GPC1: variants seen among roughly 807,000 people sequenced by gnomAD.
The protein encoded by GPC1 is glypican 1, also known as glypican-1.
In GPC1, 26 loss-of-function variants were observed where a neutral mutation model predicts 51.5. That is an observed-to-expected ratio of 0.50 (90% CI 0.37 to 0.70). GPC1 has a LOEUF of 0.70. GPC1 is among the 30% of genes least tolerant of loss of function. The probability of loss-of-function intolerance (pLI) is 0.00; values close to 1 mark genes in which losing one functional copy is unlikely to be tolerated. For synonymous variants in GPC1, 380 were observed against 348.3 expected, an observed-to-expected ratio of 1.09 and a Z score of -1.01; for missense variants, 775 against 800.5, an observed-to-expected ratio of 0.97 and a Z score of 0.38.
rs111432326 is a variant in GPC1 at position 240,448,409 on chromosome 2, C to T, written c.167-10621C>T. ...CCCTGCCAGGCAGTCCAGGTGTAGA[C>T]AGTCCCTGCCAGGCAGTCCGGGTGT... On this transcript the variant is annotated intron_variant, in intron 1 of 8. Coordinates refer to ENST00000264039, the MANE Select transcript of GPC1 (RefSeq NM_002081.3). The surrounding 1 kb of genome is among the most constrained non-coding windows in gnomAD (Gnocchi z 4.5). 1.3e-3 allele frequency among the ~76,000 whole-genome samples: 158 copies of T among 126,042 alleles called. No homozygotes were observed. Among genetic ancestry groups the T allele is most frequent in the South Asian group, 5.8e-3 (23 of 3,990 alleles). The allele number at this position is 126,042 out of a possible 152,430, so 82.7% of individuals were successfully genotyped here. A position where few individuals can be genotyped will look rare whatever the true frequency, so the allele number is the denominator to read the frequency against.
rs2074262205 is a variant in GPC1 at position 240,466,389 on chromosome 2, G to A, written c.*99G>A. ...ACCTCAGCCTGGAGAGGCCTGGGGT[G>A]GGACAGGGAGGGCCGGCGGCTCTGA... is the stretch of plus-strand genomic sequence containing the variant. On this transcript the variant is annotated 3_prime_UTR_variant, in exon 9 of 9. Transcript: ENST00000264039. 2.8e-6 allele frequency: 2 copies of A among 706,860 alleles called. No homozygotes were observed. Among genetic ancestry groups the A allele is most frequent in the East Asian group, 2.7e-5 (1 of 36,920 alleles). 43.8% of individuals were successfully genotyped at this position (706,860 alleles called of 1,614,324 possible).
intron 1 of GPC1, among the ~76,000 whole-genome samples, chr2:240,455,432 G>A (rs1250602192): frequency 6.6e-6 from 1 of 152,224 alleles, no homozygotes; most frequent in Non-Finnish European, 1.5e-5. Flanking sequence ...GCCAGAGGGA[G>A]GGGTGGGCCG....
At chr2:240,458,065 C>T (rs1559200493) in intron 1 of GPC1, 4 of 470,824 alleles carry the variant, frequency 8.5e-6, no homozygotes, top group South Asian at 3.1e-5. Context: ...TGAGCTTAGG[C>T]AGCCGGAACC....
intron 1 of GPC1, 69 bp downstream of exon 1, chr2:240,436,153 G>T: frequency 2.8e-6 from 3 of 1,084,248 alleles, no homozygotes; most frequent in Non-Finnish European, 3.5e-6. Context: ...TGGTCTTCCC[G>T]ACGCGGCTAC....
At position 240,465,154 on chromosome 2, in the gene GPC1, G is replaced by A. The variant is rs754492580; in HGVS notation, c.1212G>A (p.Lys404=). The A allele has an allele frequency of 3.0e-5, 48 of 1,612,570 alleles. No individual in the cohort carries two copies. Among genetic ancestry groups the A allele is most frequent in the Non-Finnish European group, 4.1e-5 (48 of 1,179,844 alleles). Reference sequence around the variant, plus strand: ...TCCCAGGGACACTGTGCAGTGAGAAGATGGCCCTGAGCACTGCCAGTGATG... The same window carrying A: ...TCCCAGGGACACTGTGCAGTGAGAAAATGGCCCTGAGCACTGCCAGTGATG... ...ISLPGTLCSE[K]MALSTASDDR... Residue 404 remains lysine (K), a synonymous_variant, in exon 7 of 9, where the codon AAG becomes AAA. Coordinates refer to ENST00000264039, the MANE Select transcript of GPC1 (RefSeq NM_002081.3).
chr2:240,457,080 T>G (rs2074172379), intron 1 of GPC1, among the ~76,000 whole-genome samples: 1 of 152,130 alleles, frequency 6.6e-6, no homozygotes, highest in Admixed American at 6.5e-5. Context: ...TCCCGCTCTG[T>G]CTGCAGCATG....
chr2:240,458,527 C>G (rs1461673815), intron 1 of GPC1: 1 of 175,768 alleles, frequency 5.7e-6, no homozygotes, highest in Non-Finnish European at 1.2e-5. Flanking sequence ...TCCTGCAGGG[C>G]CACTGCCTCT....
At chr2:240,463,957 A>T (rs565505194) in intron 4 of GPC1, 1 of 224,580 alleles carries the variant, frequency 4.5e-6, no homozygotes, top group East Asian at 1.2e-4. Context: ...GCATGTGATG[A>T]CATGAGCTGG....
chr2:240,453,606 CCCCCCTCCCCTCGCCTGCCCGCCGCAG>C (rs1409205074), intron 1 of GPC1, among the ~76,000 whole-genome samples: 5 of 140,466 alleles, frequency 3.6e-5, no homozygotes, highest in African/African-American at 7.9e-5. Context: ...AATCGCGGCG[CCCCCCTCCCCTCGCCTGCCCGCCGCAG>C]CCCCCTCTCC....
In GPC1 at chr2:240,448,492, C is replaced by G. The variant is rs2074068202; in HGVS notation, c.167-10538C>G. On this transcript the variant is annotated intron_variant, in intron 1 of 8. Transcript: ENST00000264039. This position sits in a 1 kb window ranked among gnomAD's most constrained non-coding sequence, Gnocchi z 4.5. The stretch of plus-strand genomic sequence containing the variant: ...CGGGGTGGAGTCAGGACTCCAGGTG[C>G]CTGGGGGTGGAACTCTGAGCCTCCG... Among the ~76,000 whole-genome samples the G allele has an allele frequency of 6.8e-6, 1 of 146,134 alleles. No homozygotes were observed. The highest frequency in any genetic ancestry group is 2.5e-5 in the African/African-American group (1 of 40,476).
chr2:240,455,966 G>T (rs547184054), intron 1 of GPC1: 5 of 417,360 alleles, frequency 1.2e-5, no homozygotes, highest in Admixed American at 8.1e-5. Flanking sequence ...CCAGGCCTTC[G>T]CCCGCCTTGC....
chr2:240,438,108 C>T (rs2073995359), intron 1 of GPC1, among the ~76,000 whole-genome samples: 1 of 152,216 alleles, frequency 6.6e-6, no homozygotes, highest in African/African-American at 2.4e-5. Flanking sequence ...CGCCCTGCAG[C>T]TGTCTAACCA....
Position 240,466,216 on chromosome 2 carries a change from C to A in GPC1, c.1603C>A (p.Pro535Thr), listed in dbSNP as rs1179461382. ...EGQKTSAASC[P>T]QPPTFLLPLL... ...ACAGAAGACCTCGGCTGCCAGCTGC[C>A]CCCAGCCCCCGACCTTCCTCCTGCC... The change falls in exon 9 of 9, where the codon CCC (proline) becomes ACC (threonine). Residue 535 changes from proline to threonine, a missense_variant. By Grantham distance (38) the Pro-to-Thr change is conservative. Transcript: ENST00000264039. 1 of 1,612,734 alleles carries A rather than the reference C, an allele frequency of 6.2e-7. No individual in the cohort carries two copies. Among genetic ancestry groups the A allele is most frequent in the South Asian group, 1.1e-5 (1 of 91,070 alleles).
At chr2:240,438,014 G>A (rs1478109191) in intron 1 of GPC1, among the ~76,000 whole-genome samples, 1 of 152,122 alleles carries the variant, frequency 6.6e-6, no homozygotes, top group African/African-American at 2.4e-5. Flanking sequence ...CAGTGGGTTA[G>A]GGACCCAGGA....
Position 240,462,213 on chromosome 2 carries a change from C to A in GPC1, c.348C>A (p.Asn116Lys). The part of the protein sequence containing the change: ...SFDDHFQHLL[N>K]DSERTLQATF... ...CAGACCACTTCCAGCACCTGCTGAA[C>A]GACTCGGAGCGGACGCTGCAGGCCA... The change falls in exon 3 of 9, where the codon AAC (asparagine) becomes AAA (lysine). Residue 116 changes from asparagine to lysine, a missense_variant. Coordinates refer to ENST00000264039, the MANE Select transcript of GPC1 (RefSeq NM_002081.3). The A allele has an allele frequency of 5.0e-6, 8 of 1,601,836 alleles. No individual in the cohort carries two copies. Among genetic ancestry groups the A allele is most frequent in the Non-Finnish European group, 6.8e-6 (8 of 1,172,722 alleles).
chr2:240,459,306 G>A, intron 2 of GPC1, 118 bp downstream of exon 2: 3 of 1,011,114 alleles, frequency 3.0e-6, no homozygotes, highest in Non-Finnish European at 4.3e-6. Flanking sequence ...GGAGGAGGTG[G>A]GGGAGTTAGT....
At chr2:240,455,461 C>T (rs1199116447) in intron 1 of GPC1, among the ~76,000 whole-genome samples, 4 of 152,158 alleles carry the variant, frequency 2.6e-5, no homozygotes, top group Non-Finnish European at 4.4e-5. Context: ...CAGATGCCTC[C>T]CTGCACGGGG....
chr2:240,438,446 T>G (rs1574753784), intron 1 of GPC1, among the ~76,000 whole-genome samples: 1 of 152,154 alleles, frequency 6.6e-6, no homozygotes, highest in South Asian at 2.1e-4. Context: ...CGCCCTCTGG[T>G]GGCCCCTGGG....
intron 1 of GPC1, chr2:240,458,728 C>A: frequency 2.7e-6 from 1 of 371,550 alleles, no homozygotes; most frequent in Non-Finnish European, 4.9e-6. Flanking sequence ...GAGGCCAGTT[C>A]TTTGCTTGCA....
Sources: gnomAD v4.1 joint callset for allele counts (sites outside exome capture counted in the v4.1 genomes callset) on GRCh38, gnomAD v4.1.1 for gene constraint, Gnocchi (gnomAD v3.1) non-coding constraint, MANE v1.5 for transcripts, NCBI Gene and HGNC (gene_info 2026-07-23, HGNC 2026-07-21) for gene names.